The following PSD3 variants were observed in gnomAD, a reference collection of about 807,000 sequenced individuals.
PSD3 encodes the protein pleckstrin and Sec7 domain containing 3, also known as PH and SEC7 domain-containing protein 3.
Under a neutral mutation model 105.5 loss-of-function variants are expected in PSD3, and 49 were observed. The ratio of observed to expected loss-of-function variants is 0.46; its 90% CI spans 0.37 to 0.59. PSD3 has a LOEUF of 0.59. Ranked by LOEUF, PSD3 falls within the 20% of genes least tolerant of loss-of-function variation. The probability of loss-of-function intolerance (pLI) is 0.00; values close to 1 mark genes in which losing one functional copy is unlikely to be tolerated. For missense variants in PSD3, 1,561 were observed against 1,263.8 expected, an observed-to-expected ratio of 1.24 and a Z score of -3.57; for synonymous variants, 557 against 457.8, an observed-to-expected ratio of 1.22 and a Z score of -2.77.
chr8:18,927,831 T>C (rs1390680902), intron 2 of PSD3, among the ~76,000 whole-genome samples: 19 of 152,180 alleles, frequency 1.2e-4, no homozygotes, highest in Non-Finnish European at 2.2e-4. Context: ...AGGAGGTGTA[T>C]GCCAGGAAAT....
intron 1 of PSD3, among the ~76,000 whole-genome samples, chr8:19,048,638 G>A (rs777805406): frequency 1.5e-4 from 23 of 151,660 alleles, no homozygotes; most frequent in Non-Finnish European, 2.6e-4. Context: ...TGAGTTGACA[G>A]CCGTAGAGAT....
intron 1 of PSD3, among the ~76,000 whole-genome samples, chr8:18,980,082 T>G (rs1319559417): frequency 6.6e-6 from 1 of 152,176 alleles, no homozygotes; most frequent in Non-Finnish European, 1.5e-5. Context: ...TGCAAAGAGT[T>G]TACAATCTCA....
At chr8:18,805,092 G>A (rs967861826) in intron 4 of PSD3, among the ~76,000 whole-genome samples, 194 bp from the exon 5 acceptor site, 6 of 152,060 alleles carry the variant, frequency 3.9e-5, no homozygotes, top group Non-Finnish European at 1.5e-5. Context: ...CTAAATCTTA[G>A]GCAAGCAGTT....
chr8:18,572,587 C>G lies in PSD3; in HGVS notation c.2725G>C (p.Gly909Arg). 1 of 1,614,018 alleles carries G rather than the reference C, an allele frequency of 6.2e-7. No individual in the cohort carries two copies. The change falls in exon 14 of 16, where the codon GGC (glycine) becomes CGC (arginine). Residue 909 changes from glycine to arginine, a missense_variant. Gly to Arg is a moderately radical substitution (Grantham distance 125). Transcript: ENST00000327040. ...FSAPPFPAAIGSQKKFSRPLL... is the reference protein window; with the variant it reads ...FSAPPFPAAIRSQKKFSRPLL... Reference sequence around the variant, plus strand: ...GGGCGGCTAAACTTCTTCTGAGAGCCGATTGCTGCTGGAAATGGTGGTGCA... The same window carrying G: ...GGGCGGCTAAACTTCTTCTGAGAGCGGATTGCTGCTGGAAATGGTGGTGCA...
intron 9 of PSD3, among the ~76,000 whole-genome samples, chr8:18,698,533 T>C (rs971949632): frequency 3.9e-5 from 6 of 152,144 alleles, no homozygotes; most frequent in East Asian, 1.9e-4. Context: ...AATCAAGGAA[T>C]AGACAGCTCT....
chr8:19,084,277 G>A (rs1829737946), exon 1 of PSD3: 1 of 456,194 alleles, frequency 2.2e-6, no homozygotes, highest in African/African-American at 2.0e-5. Context: ...TACCTGTAGA[G>A]CCATGCCCTT....
intron 12 of PSD3, among the ~76,000 whole-genome samples, chr8:18,577,555 G>T (rs1015105091): frequency 1.3e-5 from 2 of 151,814 alleles, no homozygotes. Context: ...GTGCATTTAG[G>T]TTTATAACTA....
At chr8:18,672,908 G>C (rs1220778037) in intron 9 of PSD3, among the ~76,000 whole-genome samples, 1 of 151,864 alleles carries the variant, frequency 6.6e-6, no homozygotes, top group African/African-American at 2.4e-5. Context: ...AGCCATTCTA[G>C]TCCCTGGAAA....
At chr8:18,999,189 A>G (rs1474967195) in intron 1 of PSD3, among the ~76,000 whole-genome samples, 1 of 152,112 alleles carries the variant, frequency 6.6e-6, no homozygotes, top group East Asian at 1.9e-4. Flanking sequence ...TCCTTAGACC[A>G]TAACAGGTTT....
chr8:19,039,357 A>G (rs1828049102), intron 1 of PSD3, among the ~76,000 whole-genome samples: 1 of 152,150 alleles, frequency 6.6e-6, no homozygotes, highest in African/African-American at 2.4e-5. Flanking sequence ...TGATATCTGT[A>G]TCTGCATGTC....
intron 1 of PSD3, among the ~76,000 whole-genome samples, chr8:19,009,673 T>G (rs1355247335): frequency 6.6e-6 from 1 of 152,206 alleles, no homozygotes; most frequent in Non-Finnish European, 1.5e-5. Context: ...GCAGATCACC[T>G]GAGCTCAGGA....
At chr8:19,041,427 C>A (rs1265778197) in intron 1 of PSD3, among the ~76,000 whole-genome samples, 5 of 152,192 alleles carry the variant, frequency 3.3e-5, no homozygotes, top group Non-Finnish European at 5.9e-5. Flanking sequence ...TAAAGGGATG[C>A]ACTTTGTGAA....
chr8:18,593,073 C>T (rs1407367698), intron 12 of PSD3, among the ~76,000 whole-genome samples: 1 of 152,198 alleles, frequency 6.6e-6, no homozygotes, highest in East Asian at 1.9e-4. Context: ...GCAAGGACTT[C>T]ATGTCTAAAA....
intron 11 of PSD3, among the ~76,000 whole-genome samples, chr8:18,607,815 T>C (rs1804964358): frequency 6.6e-6 from 1 of 151,998 alleles, no homozygotes; most frequent in African/African-American, 2.4e-5. Flanking sequence ...CAGTTCAGCA[T>C]GGCTGGGGAT....
intron 8 of PSD3, among the ~76,000 whole-genome samples, chr8:18,774,100 T>C (rs187331291): frequency 7.2e-4 from 110 of 152,338 alleles, no homozygotes; most frequent in African/African-American, 2.6e-3. Context: ...TTAGTCCTAA[T>C]AGGTTTTTTC....
chr8:18,998,957 AT>A, intron 1 of PSD3, among the ~76,000 whole-genome samples: 1 of 152,078 alleles, frequency 6.6e-6, no homozygotes, highest in East Asian at 1.9e-4. Flanking sequence ...GGTGGGTCCC[AT>A]TTTTATAAAC....
At position 18,529,067 on chromosome 8, in the gene PSD3, G is replaced by C. The variant is rs1799534193; in HGVS notation, c.*6676C>G. ...TCTTCACTTGTACTCCTCTCTCAAAGGAATGATCTGCAGAGCAAGCAGCTC... is the reference window on the plus strand; with the variant it reads ...TCTTCACTTGTACTCCTCTCTCAAACGAATGATCTGCAGAGCAAGCAGCTC... On this transcript the variant is annotated 3_prime_UTR_variant, in exon 16 of 16. Transcript: ENST00000327040. 6.6e-6 allele frequency: 1 copy of C among 152,158 alleles called. No individual in the cohort carries two copies. The highest frequency in any genetic ancestry group is 1.5e-5 in the Non-Finnish European group (1 of 68,044). The allele number at this position is 152,158 out of a possible 1,614,324, so 9.4% of individuals were successfully genotyped here.
At chr8:18,649,335 G>C (rs570590498) in intron 10 of PSD3, among the ~76,000 whole-genome samples, 154 of 152,324 alleles carry the variant, frequency 1.0e-3, no homozygotes, top group African/African-American at 3.6e-3. Context: ...TGGAGTCAAA[G>C]CAGGTTATTA....
intron 9 of PSD3, among the ~76,000 whole-genome samples, chr8:18,667,098 C>T (rs569353093): frequency 3.3e-5 from 5 of 152,188 alleles, no homozygotes; most frequent in African/African-American, 1.2e-4. Context: ...CTCATAAAGG[C>T]AGTGTGGAAG....
Sources: gnomAD v4.1 joint callset for allele counts (sites outside exome capture counted in the v4.1 genomes callset) on GRCh38, gnomAD v4.1.1 for gene constraint, MANE v1.5 for transcripts, NCBI Gene and HGNC (gene_info 2026-07-23, HGNC 2026-07-21) for gene names.